The following RNF217 variants were observed in gnomAD, a reference collection of about 807,000 sequenced individuals.
RNF217 encodes the protein ring finger protein 217.
In RNF217, 31 loss-of-function variants were observed where a neutral mutation model predicts 57.8. The ratio of observed to expected loss-of-function variants is 0.54; its 90% CI spans 0.40 to 0.72. The LOEUF is 0.72. Among genes scored for constraint, RNF217 ranks in the 30% least tolerant of loss-of-function variants. RNF217 has a pLI of 0.00. For missense variants in RNF217, 696 were observed against 708.3 expected (o/e 0.98, Z 0.20); for synonymous variants, 313 against 294.0 (o/e 1.06, Z -0.66).
intron 1 of RNF217, among the ~76,000 whole-genome samples, chr6:125,039,760 A>G (rs558415597): frequency 6.6e-5 from 10 of 152,354 alleles, no homozygotes; most frequent in Admixed American, 5.9e-4. Context: ...CTCAGACTAC[A>G]GTGCAATCAA....
intron 1 of RNF217, among the ~76,000 whole-genome samples, chr6:125,025,816 C>G (rs1332233521): frequency 6.6e-6 from 1 of 151,998 alleles, no homozygotes; most frequent in Admixed American, 6.6e-5. Flanking sequence ...CAAATGTACT[C>G]TCTTATGAGT....
chr6:124,964,632 CG>C (rs1783461270), intron 1 of RNF217, among the ~76,000 whole-genome samples: 1 of 152,096 alleles, frequency 6.6e-6, no homozygotes, highest in South Asian at 2.1e-4. Context: ...AGACTTAAAA[CG>C]GTATGTTACA....
intron 3 of RNF217, 56 bp from the exon 4 acceptor site, chr6:125,076,601 G>C (rs1310132841): frequency 1.5e-6 from 2 of 1,335,154 alleles, no homozygotes; most frequent in Non-Finnish European, 2.1e-6. Context: ...TTGCGATTTT[G>C]CTTTTTAAAA....
At chr6:125,039,918 A>G (rs144603046) in intron 1 of RNF217, among the ~76,000 whole-genome samples, 31 of 152,328 alleles carry the variant, frequency 2.0e-4, no homozygotes, top group African/African-American at 6.7e-4. Flanking sequence ...AAGAGACAAC[A>G]TACCAGAATC....
intron 1 of RNF217, among the ~76,000 whole-genome samples, chr6:124,981,757 G>A (rs971474914): frequency 2.4e-4 from 37 of 151,852 alleles, no homozygotes; most frequent in African/African-American, 8.2e-4. Flanking sequence ...GGTGACTCAT[G>A]CCTATAATCC....
At chr6:125,015,368 T>G (rs1785561106) in intron 1 of RNF217, among the ~76,000 whole-genome samples, 1 of 152,110 alleles carries the variant, frequency 6.6e-6, no homozygotes, top group Non-Finnish European at 1.5e-5. Flanking sequence ...ATTTTATAAG[T>G]TTTTCTACGA....
chr6:124,982,026 C>CAAAA (rs373182508), intron 1 of RNF217, among the ~76,000 whole-genome samples: 3 of 58,358 alleles, frequency 5.1e-5, no homozygotes, highest in Non-Finnish European at 6.2e-5. Flanking sequence ...GACTCTGTCT[C>CAAAA]AAAAAAAAAA....
At chr6:125,053,152 CT>C (rs1224977693) in intron 2 of RNF217, among the ~76,000 whole-genome samples, 6 of 152,108 alleles carry the variant, frequency 3.9e-5, no homozygotes, top group African/African-American at 1.4e-4. Context: ...TCTCTGAACG[CT>C]TATGTTCCAG....
chr6:125,074,764 G>A (rs1788302357), intron 3 of RNF217, among the ~76,000 whole-genome samples: 1 of 152,020 alleles, frequency 6.6e-6, no homozygotes, highest in Admixed American at 6.6e-5. Context: ...ACTGTATTAG[G>A]GGAAGGAAAG....
At chr6:125,002,706 G>A (rs868211305) in intron 1 of RNF217, among the ~76,000 whole-genome samples, 31 of 152,030 alleles carry the variant, frequency 2.0e-4, no homozygotes, top group Admixed American at 5.2e-4. Context: ...GATAGTGTCC[G>A]TGTGATTTTC....
At chr6:124,965,187 C>T (rs918286264) in intron 1 of RNF217, among the ~76,000 whole-genome samples, 2 of 152,212 alleles carry the variant, frequency 1.3e-5, no homozygotes, top group Non-Finnish European at 2.9e-5. Context: ...TCTGCAGTGA[C>T]ACAGTATCTG....
intron 3 of RNF217, among the ~76,000 whole-genome samples, chr6:125,074,297 GTAGATAGATAGATAGA>G (rs61208735): frequency 1.6e-3 from 226 of 144,866 alleles, no homozygotes; most frequent in East Asian, 6.0e-3. Flanking sequence ...CAGAAGATAG[GTAGATAGATAGATAGA>G]TAGATAGATA....
rs139013106 is a variant in RNF217, at chr6:124,979,656, AATAGGGTCAGATAGT to A, written c.882+16235_882+16249del. ...TCTGAAAGAGATGACTTACAAAGGT[AATAGGGTCAGATAGT>A]ATAGATCCTCCATGGAAATTATACT... On this transcript the variant is annotated intron_variant, in intron 1 of 5. Coordinates refer to ENST00000521654, the MANE Select transcript of RNF217 (RefSeq NM_001286398.3). Among the ~76,000 whole-genome samples the A allele has an allele frequency of 9.1e-3, 1,391 of 152,340 alleles. 11 individuals carry two copies. The highest frequency in any genetic ancestry group is 0.016 in the Non-Finnish European group (1,102 of 68,028).
rs370352165 is a variant in RNF217, at chr6:124,993,219, C to A, written c.882+29793C>A. On this transcript the variant is annotated intron_variant, in intron 1 of 5. Coordinates refer to ENST00000521654, the MANE Select transcript of RNF217 (RefSeq NM_001286398.3). The stretch of plus-strand genomic sequence containing the variant: ...TAAAAAATAGATTCCTGAGGTCTTG[C>A]CCCAAGAAATTCTGATTTAGTAATT... Among the ~76,000 whole-genome samples, 3 of 152,222 alleles carry A rather than the reference C, an allele frequency of 2.0e-5. No homozygotes were observed. In the East Asian group the frequency reaches 5.8e-4, roughly 29 times the overall value.
intron 3 of RNF217, among the ~76,000 whole-genome samples, chr6:125,073,481 G>A (rs1237991957): frequency 1.3e-5 from 2 of 152,166 alleles, no homozygotes; most frequent in Non-Finnish European, 2.9e-5. Flanking sequence ...ACAATCTACA[G>A]GCCTTGCAAA....
chr6:125,036,087 C>T lies in RNF217; in HGVS notation c.883-9124C>T, dbSNP rs184833300. 9.6e-4 allele frequency among the ~76,000 whole-genome samples: 146 copies of T among 152,052 alleles called. 1 individual carries two copies. The Middle Eastern group carries it at 0.01, about 11-fold the overall frequency. On this transcript the variant is annotated intron_variant, in intron 1 of 5. Coordinates refer to ENST00000521654, the MANE Select transcript of RNF217 (RefSeq NM_001286398.3). ...GCTATCCCTCCCCTTGCCCCCTACC[C>T]CCTGACAGGCCTCGGTGTGTGATGT...
intron 1 of RNF217, among the ~76,000 whole-genome samples, chr6:124,965,159 A>G (rs1016668247): frequency 6.6e-6 from 1 of 152,254 alleles, no homozygotes; most frequent in African/African-American, 2.4e-5. Context: ...AGTGTACAGT[A>G]CAACCACTAA....
At chr6:124,996,183 A>C (rs1039440927) in intron 1 of RNF217, among the ~76,000 whole-genome samples, 1 of 152,260 alleles carries the variant, frequency 6.6e-6, no homozygotes, top group East Asian at 1.9e-4. Flanking sequence ...ACAGTACTTC[A>C]TCGTATATTT....
Position 124,962,664 on chromosome 6 carries a change from G to A in RNF217, c.120G>A (p.Ala40=). ...PPRPQGDSAR[A]PPLRAASAEP... ...GGCCTCAGGGGGACAGCGCCCGGGCGCCCCCGCTGCGCGCCGCCTCCGCGG... is the reference window on the plus strand; with the variant it reads ...GGCCTCAGGGGGACAGCGCCCGGGCACCCCCGCTGCGCGCCGCCTCCGCGG... The change falls in exon 1 of 6, where the codon GCG becomes GCA. Residue 40 remains alanine, a synonymous_variant. Coordinates refer to ENST00000521654, the MANE Select transcript of RNF217 (RefSeq NM_001286398.3). This position sits in a 1 kb window ranked among gnomAD's most constrained non-coding sequence, Gnocchi z 4.6. 1 of 1,334,126 alleles carries A rather than the reference G, an allele frequency of 7.5e-7. No homozygotes were observed. The highest frequency in any genetic ancestry group is 2.1e-5 in the South Asian group (1 of 47,430). The allele number at this position is 1,334,126 out of a possible 1,614,324, so 82.6% of individuals were successfully genotyped here.
Sources: gnomAD v4.1 joint callset for allele counts (sites outside exome capture counted in the v4.1 genomes callset) on GRCh38, gnomAD v4.1.1 for gene constraint, Gnocchi (gnomAD v3.1) non-coding constraint, MANE v1.5 for transcripts, NCBI Gene and HGNC (gene_info 2026-07-23, HGNC 2026-07-21) for gene names.